Variants in HMGN5 observed in about 807,000 individuals in gnomAD.
The protein encoded by HMGN5 is high mobility group nucleosome-binding domain-containing protein 5.
HMGN5 carries 4 observed loss-of-function variants against 9.5 expected under a neutral mutation model. That is an observed-to-expected ratio of 0.42 (90% CI 0.21 to 0.96). HMGN5 has a LOEUF of 0.96. Among genes scored for constraint, HMGN5 ranks in the 40% least tolerant of loss-of-function variants. HMGN5 has a pLI of 0.30. For missense variants in HMGN5, 192 were observed against 187.5 expected (o/e 1.02, Z -0.14); for synonymous variants, 55 against 57.1 (o/e 0.96, Z 0.16).
At chrX:81,195,005 G>C (rs756775243) in intron 1 of HMGN5, 5 of 111,699 alleles carry the variant, frequency 4.5e-5, no homozygotes, top group Admixed American at 2.9e-4. Context: ...AGTTATTACT[G>C]GTAGGATGTG....
intron 1 of HMGN5, among the ~76,000 whole-genome samples, chrX:81,125,337 AT>A (rs761294542): frequency 9.0e-6 from 1 of 111,199 alleles, no homozygotes; most frequent in Admixed American, 9.6e-5. Context: ...AGTGTTTTAG[AT>A]TTTTTTTGTT....
intron 1 of HMGN5, among the ~76,000 whole-genome samples, chrX:81,192,623 C>T (rs994287528): frequency 6.3e-5 from 7 of 111,570 alleles, no homozygotes; most frequent in Admixed American, 3.8e-4. Flanking sequence ...TTATTTTACC[C>T]GAAATACATT....
chrX:81,194,357 C>T (rs1208819908), intron 1 of HMGN5, among the ~76,000 whole-genome samples: 1 of 110,585 alleles, frequency 9.0e-6, no homozygotes, highest in Non-Finnish European at 1.9e-5. Flanking sequence ...AGGCTAGCCT[C>T]AGGATAAAAG....
At chrX:81,120,238 AT>A (rs1191225472) in intron 2 of HMGN5, among the ~76,000 whole-genome samples, 1 of 111,548 alleles carries the variant, frequency 9.0e-6, no homozygotes, top group Non-Finnish European at 1.9e-5. Context: ...CTCTCCACTG[AT>A]TCTGGACTAT....
intron 1 of HMGN5, among the ~76,000 whole-genome samples, chrX:81,179,511 C>G (rs1257371569): frequency 9.0e-6 from 1 of 111,298 alleles, no homozygotes; most frequent in African/African-American, 3.3e-5. Flanking sequence ...TGAAGGACCT[C>G]TTCAAGGAGA....
intron 1 of HMGN5, among the ~76,000 whole-genome samples, chrX:81,176,503 G>T (rs2075442346): frequency 9.0e-6 from 1 of 111,036 alleles, no homozygotes; most frequent in Admixed American, 9.6e-5. Context: ...AAAGGAGCAT[G>T]TTTGAACCCA....
At chrX:81,191,023 C>G (rs1380876404) in intron 1 of HMGN5, among the ~76,000 whole-genome samples, 1 of 111,433 alleles carries the variant, frequency 9.0e-6, no homozygotes, top group Non-Finnish European at 1.9e-5. Flanking sequence ...TGTTCTTTTC[C>G]TTCAATATTG....
At chrX:81,143,658 G>C (rs144896979) in intron 1 of HMGN5, among the ~76,000 whole-genome samples, 1 of 112,338 alleles carries the variant, frequency 8.9e-6, no homozygotes, top group Non-Finnish European at 1.9e-5. Context: ...TGTGCTTTTC[G>C]CATGGTCTTC....
At chrX:81,137,565 G>A (rs1327068899) in intron 1 of HMGN5, among the ~76,000 whole-genome samples, 1 of 111,419 alleles carries the variant, frequency 9.0e-6, no homozygotes, top group Non-Finnish European at 1.9e-5. Context: ...AGTGCTCAGA[G>A]AGAAGTTCAT....
chrX:81,172,086 T>TAA (rs36022380), intron 1 of HMGN5, among the ~76,000 whole-genome samples: 2 of 104,890 alleles, frequency 1.9e-5, no homozygotes, highest in African/African-American at 6.8e-5. Context: ...TTTCTTTCCC[T>TAA]AAAAAAAAAA....
At chrX:81,146,889 G>C (rs1602565968) in intron 1 of HMGN5, among the ~76,000 whole-genome samples, 1 of 111,628 alleles carries the variant, frequency 9.0e-6, no homozygotes, top group Admixed American at 9.5e-5. Context: ...AATAAGCTAG[G>C]AAATCTAGAA....
intron 1 of HMGN5, among the ~76,000 whole-genome samples, chrX:81,149,129 T>C (rs2075353830): frequency 9.0e-6 from 1 of 111,597 alleles, no homozygotes; most frequent in African/African-American, 3.3e-5. Flanking sequence ...CATTACTAGG[T>C]ATATACCCAA....
At chrX:81,160,523 C>T (rs981768206) in intron 1 of HMGN5, among the ~76,000 whole-genome samples, 1 of 110,527 alleles carries the variant, frequency 9.0e-6, no homozygotes, top group South Asian at 3.8e-4. Context: ...CTTCCCCTTG[C>T]CCCTCACCTC....
chrX:81,197,207 A>G (rs1272529083), intron 1 of HMGN5, among the ~76,000 whole-genome samples: 1 of 112,574 alleles, frequency 8.9e-6, no homozygotes, highest in African/African-American at 3.2e-5. Flanking sequence ...ATTCATTAAA[A>G]TATGCTCGAC....
intron 1 of HMGN5, among the ~76,000 whole-genome samples, chrX:81,160,519 C>T (rs901730536): frequency 1.8e-5 from 2 of 110,642 alleles, no homozygotes; most frequent in African/African-American, 3.3e-5. Flanking sequence ...TCTCCTTCCC[C>T]TTGCCCCTCA....
intron 1 of HMGN5, among the ~76,000 whole-genome samples, chrX:81,185,590 T>C (rs375621108): frequency 9.0e-6 from 1 of 111,660 alleles, no homozygotes; most frequent in East Asian, 2.8e-4. Flanking sequence ...CTTTTCCAAT[T>C]TGGGTACCCT....
chrX:81,128,806 A>G (rs917828664), intron 1 of HMGN5, among the ~76,000 whole-genome samples: 3 of 111,928 alleles, frequency 2.7e-5, no homozygotes, highest in East Asian at 2.8e-4. Context: ...GTAGCATTCT[A>G]TTGTATTTGG....
intron 1 of HMGN5, chrX:81,194,968 A>T (rs751235610): frequency 8.9e-6 from 1 of 112,206 alleles, no homozygotes; most frequent in Non-Finnish European, 1.9e-5. Context: ...GGTGTTCATA[A>T]GTAATTTCTG....
intron 1 of HMGN5, among the ~76,000 whole-genome samples, chrX:81,140,559 CAAAAAAAA>C (rs1227925535): frequency 3.0e-5 from 1 of 33,632 alleles, no homozygotes. Context: ...GACTCTGTCT[CAAAAAAAA>C]AAAAAAAAAA....
Sources: allele counts gnomAD v4.1 joint callset (sites outside exome capture counted in the v4.1 genomes callset), GRCh38; gene constraint gnomAD v4.1.1; transcripts MANE v1.5; gene names NCBI Gene and HGNC (gene_info 2026-07-23, HGNC 2026-07-21).